The following CFH variants were observed in gnomAD, a reference collection of about 807,000 sequenced individuals.
The protein encoded by CFH is complement factor H.
A neutral mutation model predicts 147.3 loss-of-function variants in CFH; 53 were observed. The ratio of observed to expected loss-of-function variants is 0.36; its 90% CI spans 0.29 to 0.45. The LOEUF is 0.45. CFH is among the 20% of genes least tolerant of loss of function. The pLI, the probability that CFH is intolerant of heterozygous loss-of-function variation, is 1.00. For missense variants in CFH, 1,380 were observed against 1,498.0 expected (o/e 0.92, Z 1.30); for synonymous variants, 536 against 489.4 (o/e 1.10, Z -1.26).
intron 15 of CFH, among the ~76,000 whole-genome samples, chr1:196,733,020 T>C (rs916703798): frequency 2.6e-5 from 4 of 152,154 alleles, no homozygotes; most frequent in Admixed American, 1.3e-4. Flanking sequence ...AATGCAGATC[T>C]CTATCATCTC....
chr1:196,728,963 C>A (rs1669216170), intron 15 of CFH, among the ~76,000 whole-genome samples: 1 of 151,882 alleles, frequency 6.6e-6, no homozygotes, highest in East Asian at 1.9e-4. Context: ...TCTGTCTATT[C>A]ATCTACCTGT....
rs1278922438 is a variant in CFH at position 196,712,694 on chromosome 1, C to A, written c.1337-1041C>A. On this transcript the variant is annotated intron_variant, in intron 9 of 21. Transcript: ENST00000367429. ...GGTTAGTTACATATGTATACATGTG[C>A]CATGCTGGTGTGCTGCACCCATTAA... Among the ~76,000 whole-genome samples, 8 of 151,136 alleles carry A rather than the reference C, an allele frequency of 5.3e-5. No homozygotes were observed. In the East Asian group the frequency reaches 1.4e-3, roughly 26 times the overall value.
chr1:196,740,601 TC>T lies in CFH; in HGVS notation c.2783-17del. The T allele has an allele frequency of 3.1e-6, 5 of 1,612,274 alleles. No individual in the cohort carries two copies. The highest frequency in any genetic ancestry group is 4.2e-6 in the Non-Finnish European group (5 of 1,179,040). ...ATTTATGAGTTAGTGAAACCTGAAT[TC>T]ATTCTTTTTTTTTTAGGCCTTCCTT... On this transcript the variant is annotated splice_polypyrimidine_tract_variant and intron_variant, in intron 17 of 21. Transcript: ENST00000367429.
At chr1:196,690,735 G>A (rs1667994244) in intron 9 of CFH, among the ~76,000 whole-genome samples, 1 of 152,132 alleles carries the variant, frequency 6.6e-6, no homozygotes, top group South Asian at 2.1e-4. Context: ...ACGGTCTTGA[G>A]GAAGCAGTGT....
In CFH at chr1:196,705,678, T is replaced by G. The variant is rs1385572925; in HGVS notation, c.1337-8057T>G. On this transcript the variant is annotated intron_variant, in intron 9 of 21. Coordinates refer to ENST00000367429, the MANE Select transcript of CFH (RefSeq NM_000186.4). The stretch of plus-strand genomic sequence containing the variant: ...CCTACTTTTCAAAACAGCTGGACAT[T>G]GTTATGATGGGTTGGACTTCTTATC... 1.3e-5 allele frequency among the ~76,000 whole-genome samples: 2 copies of G among 152,142 alleles called. 1 individual carries two copies. The highest frequency in any genetic ancestry group is 2.9e-5 in the Non-Finnish European group (2 of 68,026).
At chr1:196,737,320 A>C (rs1194454223) in intron 16 of CFH, among the ~76,000 whole-genome samples, 155 bp from the exon 17 acceptor site, 1 of 152,240 alleles carries the variant, frequency 6.6e-6, no homozygotes, top group African/African-American at 2.4e-5. Flanking sequence ...TGGTGGAGGA[A>C]TATATCTTTG....
chr1:196,684,913 C>T, intron 6 of CFH, 151 bp from the exon 7 acceptor site: 2 of 652,640 alleles, frequency 3.1e-6, no homozygotes, highest in Non-Finnish European at 5.4e-6. Context: ...AAGTGATATA[C>T]CAGAAAGGAT....
At chr1:196,738,531 G>A (rs1200843029) in intron 17 of CFH, among the ~76,000 whole-genome samples, 1 of 152,146 alleles carries the variant, frequency 6.6e-6, no homozygotes. Context: ...GTGGCTATAT[G>A]CTTGATGGAA....
chr1:196,696,454 T>A (rs956470280), intron 9 of CFH, among the ~76,000 whole-genome samples: 4 of 152,138 alleles, frequency 2.6e-5, no homozygotes, highest in African/African-American at 7.2e-5. Context: ...GGGACACAGT[T>A]AAAGCAGTCT....
At chr1:196,658,954 A>G (rs1440377186) in intron 1 of CFH, among the ~76,000 whole-genome samples, 1 of 152,230 alleles carries the variant, frequency 6.6e-6, no homozygotes, top group Non-Finnish European at 1.5e-5. Flanking sequence ...TTAACTGGCA[A>G]TTAAATGACT....
rs185797799 is a variant in CFH, at chr1:196,745,002, C to A, written c.3311-815C>A. On this transcript the variant is annotated intron_variant, in intron 20 of 21. Transcript: ENST00000367429. ...TGACAGTTCTTTGAACACTTGAAAACCGTGCCACATGGTTATAGATGAAAA... is the reference window on the plus strand; with the variant it reads ...TGACAGTTCTTTGAACACTTGAAAAACGTGCCACATGGTTATAGATGAAAA... 6.0e-4 allele frequency among the ~76,000 whole-genome samples: 92 copies of A among 152,222 alleles called. 2 individuals carry two copies. The East Asian group carries it at 0.017, about 28-fold the overall frequency.
chr1:196,700,777 T>A, intron 9 of CFH: 1 of 982,832 alleles, frequency 1.0e-6, no homozygotes, highest in Non-Finnish European at 1.2e-6. Context: ...AAGAAGCTGC[T>A]TAGTTATGAT....
rs577533811 is a variant in CFH, at chr1:196,683,586, T to C, written c.791-1478T>C. On this transcript the variant is annotated intron_variant, in intron 6 of 21. Coordinates refer to ENST00000367429, the MANE Select transcript of CFH (RefSeq NM_000186.4). The stretch of plus-strand genomic sequence containing the variant: ...ACTGAAAATTGGAAAAGCTTCCATA[T>C]CAATTTAAGAGTGTGGTTGATAAGG... Among the ~76,000 whole-genome samples, 7 of 151,846 alleles carry C rather than the reference T, an allele frequency of 4.6e-5. No individual in the cohort carries two copies. In the South Asian group the frequency reaches 1.2e-3, roughly 27 times the overall value.
chr1:196,654,457 A>AG (rs1342706996), intron 1 of CFH, among the ~76,000 whole-genome samples: 1 of 152,226 alleles, frequency 6.6e-6, no homozygotes, highest in Non-Finnish European at 1.5e-5. Context: ...AGTCTGGCTC[A>AG]GGGGGTCACT....
intron 6 of CFH, among the ~76,000 whole-genome samples, chr1:196,681,111 C>T (rs1015071465): frequency 4.0e-5 from 6 of 151,692 alleles, no homozygotes; most frequent in Non-Finnish European, 8.9e-5. Flanking sequence ...TTTCCAGAGC[C>T]CCTCTCAAAT....
intron 11 of CFH, among the ~76,000 whole-genome samples, 195 bp from the exon 12 acceptor site, chr1:196,724,926 C>T (rs1173483221): frequency 6.6e-6 from 1 of 152,080 alleles, no homozygotes; most frequent in African/African-American, 2.4e-5. Flanking sequence ...AATACCATAA[C>T]ATTTATAATA....
chr1:196,687,659 A>G (rs953345868), intron 7 of CFH, among the ~76,000 whole-genome samples: 6 of 152,116 alleles, frequency 3.9e-5, no homozygotes, highest in South Asian at 2.1e-4. Flanking sequence ...AGCTTTCCCA[A>G]TGCAGAATTA....
At chr1:196,704,078 T>TG (rs1668528213) in intron 9 of CFH, among the ~76,000 whole-genome samples, 2 of 151,608 alleles carry the variant, frequency 1.3e-5, no homozygotes, top group African/African-American at 4.8e-5. Flanking sequence ...TTGTTGTTGT[T>TG]TTGTTTTGTT....
Position 196,743,467 on chromosome 1 carries a change from A to T in CFH, c.3149A>T (p.Asn1050Ile), listed in dbSNP as rs144682756. ...RPTCRDTSCVNPPTVQNAYIV... is the reference protein window; with the variant it reads ...RPTCRDTSCVIPPTVQNAYIV... ...TTCTATTCAGACACCTCCTGTGTGA[A>T]TCCGCCCACAGTACAAAATGCTTAT... Residue 1050 changes from asparagine to isoleucine, a missense_variant, in exon 20 of 22, where the codon AAT becomes ATT. Transcript: ENST00000367429. 6.8e-6 allele frequency: 11 copies of T among 1,613,910 alleles called. No individual in the cohort carries two copies. The African/African-American group carries it at 9.3e-5, about 14-fold the overall frequency.
Sources: gnomAD v4.1 joint callset for allele counts (sites outside exome capture counted in the v4.1 genomes callset) on GRCh38, gnomAD v4.1.1 for gene constraint, MANE v1.5 for transcripts, NCBI Gene and HGNC (gene_info 2026-07-23, HGNC 2026-07-21) for gene names.